MATN2: variants seen among roughly 807,000 people sequenced by gnomAD.
MATN2 encodes matrilin 2.
Under a neutral mutation model 103.2 loss-of-function variants are expected in MATN2, and 69 were observed. The observed-to-expected ratio is 0.67, with a 90% CI of 0.55 to 0.82. The LOEUF (loss-of-function observed/expected upper bound fraction) is 0.82, where lower values mean the gene tolerates loss of function less well. Ranked by LOEUF, MATN2 falls within the 40% of genes least tolerant of loss-of-function variation. The pLI, the probability that MATN2 is intolerant of heterozygous loss-of-function variation, is 0.00. For missense variants in MATN2, 1,023 were observed against 1,211.5 expected (o/e 0.84, Z 2.31); for synonymous variants, 429 against 450.2 (o/e 0.95, Z 0.60).
intron 4 of MATN2, among the ~76,000 whole-genome samples, chr8:97,947,483 A>G (rs887219348): frequency 1.3e-5 from 2 of 152,264 alleles, no homozygotes; most frequent in African/African-American, 4.8e-5. Context: ...TGGCAACAAA[A>G]GTCAGAAATT....
Position 98,007,674 on chromosome 8 carries a change from G to C in MATN2, c.1573+73G>C. 1 of 1,533,562 alleles carries C rather than the reference G, an allele frequency of 6.5e-7. No homozygotes were observed. The highest frequency in any genetic ancestry group is 1.2e-5 in the South Asian group (1 of 82,906). The allele number at this position is 1,533,562 out of a possible 1,614,324, so 95.0% of individuals were successfully genotyped here. ...GCCGGTGTGGGTGCGCTGCCGACGTGTATATGTGCCTGTGTGTCCTGTCTC... is the reference window on the plus strand; with the variant it reads ...GCCGGTGTGGGTGCGCTGCCGACGTCTATATGTGCCTGTGTGTCCTGTCTC... On this transcript the variant is annotated intron_variant, in intron 10 of 18. Transcript: ENST00000254898. This position sits in a 1 kb window ranked among gnomAD's most constrained non-coding sequence, Gnocchi z 4.2.
chr8:98,001,786 C>CT (rs1387825888), intron 7 of MATN2, among the ~76,000 whole-genome samples: 2 of 151,002 alleles, frequency 1.3e-5, no homozygotes, highest in Non-Finnish European at 2.9e-5. Context: ...CCACCTTTGT[C>CT]TTTTCAGGAA....
chr8:97,986,856 G>A (rs750674810), intron 6 of MATN2, among the ~76,000 whole-genome samples: 17 of 151,852 alleles, frequency 1.1e-4, no homozygotes, highest in African/African-American at 1.4e-4. Context: ...TTTTTGAGAC[G>A]GAGTCTCGCT....
chr8:97,949,025 ACC>A (rs1810849336), intron 4 of MATN2, among the ~76,000 whole-genome samples: 1 of 152,224 alleles, frequency 6.6e-6, no homozygotes, highest in South Asian at 2.1e-4. Context: ...AGTATTCAGT[ACC>A]AAGAAGACAA....
chr8:98,002,117 A>G (rs1812809883), intron 7 of MATN2, among the ~76,000 whole-genome samples: 2 of 152,152 alleles, frequency 1.3e-5, no homozygotes. Context: ...GTCCTTTTCC[A>G]GTTCTCTATC....
intron 3 of MATN2, among the ~76,000 whole-genome samples, chr8:97,935,882 G>C (rs1456382739): frequency 6.6e-6 from 1 of 152,198 alleles, no homozygotes; most frequent in African/African-American, 2.4e-5. Context: ...TTCTGTCTGG[G>C]TGTGATCAAG....
chr8:97,895,381 C>G (rs1818775923), intron 2 of MATN2, among the ~76,000 whole-genome samples: 1 of 152,212 alleles, frequency 6.6e-6, no homozygotes, highest in Non-Finnish European at 1.5e-5. Context: ...ACTTTTGTCT[C>G]CTTCCCTGAG....
At chr8:97,932,154 C>G (rs1330900174) in intron 3 of MATN2, among the ~76,000 whole-genome samples, 1 of 152,150 alleles carries the variant, frequency 6.6e-6, no homozygotes, top group Non-Finnish European at 1.5e-5. Flanking sequence ...CACGTAAGCC[C>G]AAACCACAGA....
chr8:98,004,821 G>A (rs1440822138), intron 8 of MATN2, among the ~76,000 whole-genome samples: 1 of 152,240 alleles, frequency 6.6e-6, no homozygotes, highest in African/African-American at 2.4e-5. Context: ...TGATGTAAAT[G>A]TATGGGAACT....
chr8:98,012,492 A>C (rs1813206137), intron 10 of MATN2, among the ~76,000 whole-genome samples: 1 of 152,080 alleles, frequency 6.6e-6, no homozygotes, highest in Non-Finnish European at 1.5e-5. Context: ...CCAGAGATGG[A>C]GGGGAAATGC....
intron 2 of MATN2, among the ~76,000 whole-genome samples, chr8:97,893,507 T>C (rs1212871578): frequency 6.6e-6 from 1 of 152,112 alleles, no homozygotes; most frequent in Non-Finnish European, 1.5e-5. Flanking sequence ...ACCAGTGGGG[T>C]ATATCAGCCT....
chr8:97,922,186 G>A (rs1563668745), intron 2 of MATN2, among the ~76,000 whole-genome samples: 1 of 152,158 alleles, frequency 6.6e-6, no homozygotes, highest in Non-Finnish European at 1.5e-5. Context: ...CTGGCTTATC[G>A]GATGCAATTT....
At chr8:97,898,105 G>T (rs1818871928) in intron 2 of MATN2, among the ~76,000 whole-genome samples, 2 of 151,862 alleles carry the variant, frequency 1.3e-5, no homozygotes, top group African/African-American at 4.8e-5. Flanking sequence ...TCTCTCCTCA[G>T]CTTGCCCATA....
At position 97,987,135 on chromosome 8, in the gene MATN2, C is replaced by G. The variant is rs997571089; in HGVS notation, c.1082-7345C>G. On this transcript the variant is annotated intron_variant, in intron 6 of 18. Transcript: ENST00000254898. ...GGATTACAGGCGTGAGCCACCACAC[C>G]TGGCCTACTTTTAGTTCTTTAAGGA... Among the ~76,000 whole-genome samples, 9 of 152,136 alleles carry G rather than the reference C, an allele frequency of 5.9e-5. No homozygotes were observed. In the South Asian group the frequency reaches 1.9e-3, roughly 32 times the overall value.
intron 1 of MATN2, among the ~76,000 whole-genome samples, chr8:97,870,135 AG>A (rs1355250564): frequency 6.6e-6 from 1 of 152,178 alleles, no homozygotes; most frequent in African/African-American, 2.4e-5. Flanking sequence ...TGAAGTTTAC[AG>A]GGTTGATAAC....
In MATN2 at chr8:97,888,115, C is replaced by T. The variant is rs1171713975; in HGVS notation, c.15C>T (p.Leu5=). 6 of 1,607,688 alleles carry T rather than the reference C, an allele frequency of 3.7e-6. No homozygotes were observed. The highest frequency in any genetic ancestry group is 1.3e-5 in the African/African-American group (1 of 74,634). The change falls in exon 2 of 19, where the codon CTC becomes CTT. Residue 5 remains leucine, a synonymous_variant. Coordinates refer to ENST00000254898, the MANE Select transcript of MATN2 (RefSeq NM_002380.5). Reference sequence around the variant, plus strand: ...TCGCCTTGAAAATGGAAAAGATGCTCGCAGGCTGCTTTCTGCTGATCCTCG... The same window carrying T: ...TCGCCTTGAAAATGGAAAAGATGCTTGCAGGCTGCTTTCTGCTGATCCTCG... The part of the protein sequence containing the change: MEKM[L]AGCFLLILGQ...
intron 10 of MATN2, among the ~76,000 whole-genome samples, chr8:98,008,430 G>A (rs1813046565): frequency 6.6e-6 from 1 of 152,090 alleles, no homozygotes; most frequent in South Asian, 2.1e-4. Context: ...CTGGTTATAG[G>A]GCCAAGTTCC....
At chr8:97,944,161 T>G (rs1032348779) in intron 4 of MATN2, among the ~76,000 whole-genome samples, 1 of 152,158 alleles carries the variant, frequency 6.6e-6, no homozygotes, top group African/African-American at 2.4e-5. Context: ...TTTCTCAAAC[T>G]TCAGTGACTA....
intron 3 of MATN2, among the ~76,000 whole-genome samples, chr8:97,937,400 G>A (rs905827024): frequency 1.3e-5 from 2 of 152,048 alleles, no homozygotes; most frequent in Non-Finnish European, 2.9e-5. Context: ...TCACTTGTTC[G>A]AGGTAGAGGG....
Sources: gnomAD v4.1 joint callset for allele counts (sites outside exome capture counted in the v4.1 genomes callset) on GRCh38, gnomAD v4.1.1 for gene constraint, Gnocchi (gnomAD v3.1) non-coding constraint, MANE v1.5 for transcripts, NCBI Gene and HGNC (gene_info 2026-07-23, HGNC 2026-07-21) for gene names.